The following DMD variants were observed in gnomAD, a reference collection of about 807,000 sequenced individuals.
The protein encoded by DMD is dystrophin.
In DMD, 63 loss-of-function variants were observed where a neutral mutation model predicts 330.1. That is an observed-to-expected ratio of 0.19 (90% CI 0.16 to 0.24). The LOEUF is 0.24. DMD is among the 10% of genes least tolerant of loss of function. The pLI, the probability that DMD is intolerant of heterozygous loss-of-function variation, is 1.00. For synonymous variants in DMD, 1,223 were observed against 959.8 expected, an observed-to-expected ratio of 1.27 and a Z score of -5.07; for missense variants, 3,344 against 2,684.1, an observed-to-expected ratio of 1.25 and a Z score of -5.43.
At chrX:32,467,154 T>A (rs2148448553) in intron 23 of DMD, among the ~76,000 whole-genome samples, 1 of 112,455 alleles carries the variant, frequency 8.9e-6, no homozygotes, top group East Asian at 2.8e-4. Context: ...TTAGGTTTGC[T>A]TAGTGCTTTG....
intron 7 of DMD, among the ~76,000 whole-genome samples, chrX:32,799,243 T>C: frequency 9.0e-6 from 1 of 111,125 alleles, no homozygotes; most frequent in Non-Finnish European, 1.9e-5. Flanking sequence ...GTGTCACCAT[T>C]CTCAGGAAGT....
In DMD at chrX:32,415,297, C is replaced by T. The variant is rs544133773; in HGVS notation, c.4072-3384G>A. ...CTATGAGCTGAAAGGAACAGTGTGG[C>T]TTAAGAAATGATGGCAGAGTTGACT... is the stretch of plus-strand genomic sequence containing the variant. On this transcript the variant is annotated intron_variant, in intron 29 of 78. Transcript: ENST00000357033. 7.1e-5 allele frequency among the ~76,000 whole-genome samples: 8 copies of T among 112,134 alleles called. No individual in the cohort carries two copies. In the South Asian group the frequency reaches 2.9e-3, roughly 41 times the overall value.
chrX:31,704,086 T>A (rs1349678858), intron 52 of DMD, among the ~76,000 whole-genome samples: 1 of 112,087 alleles, frequency 8.9e-6, no homozygotes, highest in Non-Finnish European at 1.9e-5. Context: ...CTTTCCTCGT[T>A]CCAATAATCC....
chrX:32,754,565 C>T (rs781332597), intron 7 of DMD, among the ~76,000 whole-genome samples: 1 of 109,638 alleles, frequency 9.1e-6, no homozygotes, highest in African/African-American at 3.3e-5. Flanking sequence ...AAAATAGGTG[C>T]CACAGTAAAA....
chrX:32,201,189 G>C (rs2097034365), intron 44 of DMD, among the ~76,000 whole-genome samples: 1 of 112,056 alleles, frequency 8.9e-6, no homozygotes, highest in African/African-American at 3.2e-5. Flanking sequence ...ATTTGGCGCA[G>C]TTAAGAGATT....
chrX:31,710,072 T>A (rs1444242545), intron 52 of DMD, among the ~76,000 whole-genome samples: 1 of 111,845 alleles, frequency 8.9e-6, no homozygotes, highest in Non-Finnish European at 1.9e-5. Flanking sequence ...CCTTCTTATA[T>A]CCCTATTATG....
intron 44 of DMD, among the ~76,000 whole-genome samples, chrX:32,007,383 T>A (rs1179860713): frequency 9.2e-6 from 1 of 109,270 alleles, no homozygotes; most frequent in Non-Finnish European, 1.9e-5. Context: ...AAGGAAGAAT[T>A]CTTCCCCAGA....
intron 30 of DMD, among the ~76,000 whole-genome samples, chrX:32,408,753 T>A (rs190226878): frequency 1.2e-3 from 140 of 112,182 alleles, no homozygotes; most frequent in African/African-American, 4.3e-3. Flanking sequence ...TGCACTAATA[T>A]TTTAATTAGC....
rs757256969 is a variant in DMD, at chrX:31,541,230, CTT to C, written c.8218-33779_8218-33778del. Among the ~76,000 whole-genome samples the C allele has an allele frequency of 6.2e-4, 69 of 111,512 alleles. No individual in the cohort carries two copies. In the South Asian group the frequency reaches 6.8e-3, roughly 11 times the overall value. On this transcript the variant is annotated intron_variant, in intron 55 of 78. Coordinates refer to ENST00000357033, the MANE Select transcript of DMD (RefSeq NM_004006.3). Reference sequence around the variant, plus strand: ...TTAAATATAAATTTAAAAATTGACTCTTGGTTCAGTTATTGAAAAACTTTTGT... The same window carrying C: ...TTAAATATAAATTTAAAAATTGACTCGGTTCAGTTATTGAAAAACTTTTGT...
At chrX:31,286,752 C>T (rs754222005) in intron 62 of DMD, among the ~76,000 whole-genome samples, 1 of 112,265 alleles carries the variant, frequency 8.9e-6, no homozygotes, top group Admixed American at 9.4e-5. Context: ...TCTTTCTACA[C>T]GTTTTTTCTT....
At chrX:31,598,656 T>C (rs2077214709) in intron 55 of DMD, among the ~76,000 whole-genome samples, 1 of 111,953 alleles carries the variant, frequency 8.9e-6, no homozygotes, top group East Asian at 2.8e-4. Context: ...TGTCACTGCA[T>C]GATATCGGTA....
chrX:32,944,068 G>T (rs995386640), intron 2 of DMD, among the ~76,000 whole-genome samples: 2 of 111,330 alleles, frequency 1.8e-5, no homozygotes, highest in Non-Finnish European at 3.8e-5. Flanking sequence ...CTGTGTACAT[G>T]TGTACACATT....
At chrX:33,278,907 C>T (rs1261739365) in intron 1 of DMD, among the ~76,000 whole-genome samples, 2 of 111,324 alleles carry the variant, frequency 1.8e-5, no homozygotes, top group African/African-American at 6.5e-5. Flanking sequence ...ATTGGCACAC[C>T]AATGTCCTAA....
intron 2 of DMD, among the ~76,000 whole-genome samples, chrX:32,934,920 T>G (rs2089877041): frequency 8.8e-6 from 1 of 113,090 alleles, no homozygotes; most frequent in South Asian, 3.6e-4. Context: ...AATATTTTCA[T>G]TAGGTGTTCC....
chrX:31,661,296 G>A (rs918684032), intron 53 of DMD, among the ~76,000 whole-genome samples: 2 of 111,607 alleles, frequency 1.8e-5, no homozygotes, highest in African/African-American at 6.5e-5. Flanking sequence ...AACTCCCACT[G>A]ACCTTGACTG....
chrX:33,008,866 ACATACT>A (rs201778069), intron 2 of DMD, among the ~76,000 whole-genome samples: 9,606 of 64,360 alleles, frequency 0.15, 1,357 homozygotes, highest in South Asian at 0.2. Flanking sequence ...GTATATATAC[ACATACT>A]CATATATGTA....
intron 45 of DMD, among the ~76,000 whole-genome samples, chrX:31,952,733 TC>T (rs1162607226): frequency 8.9e-6 from 1 of 112,189 alleles, no homozygotes; most frequent in Non-Finnish European, 1.9e-5. Context: ...TGACTGCTTT[TC>T]CCCATGAGAA....
At chrX:32,230,185 T>C (rs1425378910) in intron 43 of DMD, among the ~76,000 whole-genome samples, 2 of 112,182 alleles carry the variant, frequency 1.8e-5, no homozygotes, top group Non-Finnish European at 3.8e-5. Context: ...AAATAATTGG[T>C]ATCCACTTCA....
chrX:32,896,111 A>G (rs1194971820), intron 2 of DMD, among the ~76,000 whole-genome samples: 1 of 111,136 alleles, frequency 9.0e-6, no homozygotes, highest in Non-Finnish European at 1.9e-5. Flanking sequence ...TGTGCGATGA[A>G]AAGAATTAGA....
Sources: gnomAD v4.1 joint callset for allele counts (sites outside exome capture counted in the v4.1 genomes callset) on GRCh38, gnomAD v4.1.1 for gene constraint, MANE v1.5 for transcripts, NCBI Gene and HGNC (gene_info 2026-07-23, HGNC 2026-07-21) for gene names.